Variants in RBFOX1 observed in about 807,000 individuals in gnomAD.
RBFOX1 encodes RNA binding protein fox-1 homolog 1.
RBFOX1 carries 8 observed loss-of-function variants against 57.7 expected under a neutral mutation model. The observed-to-expected ratio is 0.14, with a 90% CI of 0.08 to 0.25. The LOEUF (loss-of-function observed/expected upper bound fraction) is 0.25. Among genes scored for constraint, RBFOX1 ranks in the 10% least tolerant of loss-of-function variants. The pLI is 1.00. For synonymous variants in RBFOX1, 326 were observed against 222.4 expected (o/e 1.47, Z -4.15); for missense variants, 611 against 548.5 (o/e 1.11, Z -1.14).
chr16:7,640,167 C>A (rs1388242971), intron 11 of RBFOX1, among the ~76,000 whole-genome samples: 1 of 152,212 alleles, frequency 6.6e-6, no homozygotes, highest in Non-Finnish European at 1.5e-5. Flanking sequence ...ACTTCTTCAT[C>A]CGTGTGTTGT....
chr16:6,581,392 A>G (rs1415894820), intron 2 of RBFOX1, among the ~76,000 whole-genome samples: 1 of 151,938 alleles, frequency 6.6e-6, no homozygotes, highest in Non-Finnish European at 1.5e-5. Flanking sequence ...AGGGTGCTTT[A>G]TTTTGTTGGT....
intron 3 of RBFOX1, among the ~76,000 whole-genome samples, chr16:5,829,719 C>G (rs914847561): frequency 2.0e-5 from 3 of 152,108 alleles, no homozygotes; most frequent in Non-Finnish European, 4.4e-5. Context: ...GCTGTAAATC[C>G]TGGATCCAAT....
At chr16:5,831,071 A>T (rs1234017855) in intron 3 of RBFOX1, among the ~76,000 whole-genome samples, 1 of 152,156 alleles carries the variant, frequency 6.6e-6, no homozygotes, top group Non-Finnish European at 1.5e-5. Flanking sequence ...ACCCACAGGG[A>T]TACGAGCATC....
chr16:6,792,841 C>A (rs771363005), intron 3 of RBFOX1, among the ~76,000 whole-genome samples: 5 of 152,020 alleles, frequency 3.3e-5, no homozygotes, highest in Non-Finnish European at 7.4e-5. Context: ...CCAGCCTGGA[C>A]AAGATGGTGA....
chr16:5,315,183 A>C (rs1409909851), intron 1 of RBFOX1, among the ~76,000 whole-genome samples: 1 of 152,216 alleles, frequency 6.6e-6, no homozygotes, highest in Non-Finnish European at 1.5e-5. Flanking sequence ...TGATAGGGCA[A>C]ATGGCTCTGT....
At chr16:6,216,395 C>T (rs922515104) in intron 1 of RBFOX1, among the ~76,000 whole-genome samples, 6 of 152,164 alleles carry the variant, frequency 3.9e-5, no homozygotes, top group African/African-American at 1.4e-4. Context: ...GAGACCATCA[C>T]GATGGCTGAA....
chr16:5,403,517 C>T (rs1358663389), intron 1 of RBFOX1, among the ~76,000 whole-genome samples: 2 of 152,084 alleles, frequency 1.3e-5, no homozygotes. Flanking sequence ...AATCTTGGCT[C>T]ACCGCAACCT....
chr16:7,083,475 G>T (rs1187914622), intron 4 of RBFOX1, among the ~76,000 whole-genome samples: 1 of 151,936 alleles, frequency 6.6e-6, no homozygotes, highest in African/African-American at 2.4e-5. Flanking sequence ...AACAAGAAAT[G>T]ACACATACCA....
chr16:6,834,449 A>T (rs965607201), intron 3 of RBFOX1, among the ~76,000 whole-genome samples: 1 of 152,158 alleles, frequency 6.6e-6, no homozygotes, highest in Non-Finnish European at 1.5e-5. Context: ...GGAAGCGTCA[A>T]TGGATGCCTA....
At chr16:6,753,247 A>G (rs1026744683) in intron 3 of RBFOX1, among the ~76,000 whole-genome samples, 2 of 152,210 alleles carry the variant, frequency 1.3e-5, no homozygotes, top group Non-Finnish European at 2.9e-5. Context: ...CAAGTATAGT[A>G]AAATGCCAGT....
chr16:6,908,392 TCTCTTTCCTC>T (rs2070652809), intron 3 of RBFOX1, among the ~76,000 whole-genome samples: 1 of 146,196 alleles, frequency 6.8e-6, no homozygotes. Context: ...CTGCCTGCCT[TCTCTTTCCTC>T]CCAGGAACCT....
At chr16:7,117,014 A>G (rs1448473106) in intron 4 of RBFOX1, among the ~76,000 whole-genome samples, 1 of 152,190 alleles carries the variant, frequency 6.6e-6, no homozygotes, top group Non-Finnish European at 1.5e-5. Flanking sequence ...AGGCCAAGAA[A>G]GAGTTAGGGA....
At chr16:6,536,034 G>T (rs1243457569) in intron 2 of RBFOX1, among the ~76,000 whole-genome samples, 1 of 152,106 alleles carries the variant, frequency 6.6e-6, no homozygotes, top group Admixed American at 6.5e-5. Flanking sequence ...TGTGATTCAT[G>T]CTTTTCATGC....
intron 2 of RBFOX1, among the ~76,000 whole-genome samples, chr16:6,490,266 A>T (rs897508092): frequency 5.3e-5 from 8 of 152,258 alleles, no homozygotes; most frequent in Admixed American, 2.6e-4. Flanking sequence ...AGATCTTGCA[A>T]GTACGCAATT....
At chr16:5,816,709 G>A (rs1369894533) in intron 3 of RBFOX1, among the ~76,000 whole-genome samples, 35 of 152,110 alleles carry the variant, frequency 2.3e-4, no homozygotes, top group Admixed American at 2.3e-3. Context: ...GTTTGAGCCT[G>A]GGAGGCTGAG....
intron 4 of RBFOX1, among the ~76,000 whole-genome samples, chr16:7,132,233 G>A (rs766636501): frequency 2.4e-4 from 36 of 151,936 alleles, no homozygotes; most frequent in Admixed American, 3.3e-4. Flanking sequence ...TGCCTGTCTC[G>A]GCCTCCCAAA....
chr16:5,567,618 G>A lies in RBFOX1; in HGVS notation c.259-31284G>A, dbSNP rs146720788. Among the ~76,000 whole-genome samples, 40 of 116,982 alleles carry A rather than the reference G, an allele frequency of 3.4e-4. 1 individual carries two copies. Among genetic ancestry groups the A allele is most frequent in the African/African-American group, 1.0e-3 (32 of 31,514 alleles). The allele number at this position is 116,982 out of a possible 152,430, so 76.7% of individuals were successfully genotyped here. On this transcript the variant is annotated intron_variant, in intron 2 of 2. Transcript: ENST00000585867. ...AAGCCAGCTTAAACCATAGTGGGGG[G>A]GTATTCAGGTTATAGGCAAAAAAAA... is the stretch of plus-strand genomic sequence containing the variant.
chr16:7,002,455 C>G (rs984621974), intron 3 of RBFOX1, among the ~76,000 whole-genome samples: 2 of 152,210 alleles, frequency 1.3e-5, no homozygotes, highest in African/African-American at 4.8e-5. Context: ...TGGCTCATGT[C>G]TGTAATTCCA....
intron 4 of RBFOX1, among the ~76,000 whole-genome samples, chr16:7,115,457 C>G (rs768630602): frequency 6.6e-6 from 1 of 152,192 alleles, no homozygotes; most frequent in African/African-American, 2.4e-5. Flanking sequence ...TTGCTGTGGA[C>G]TGAGAGTCCG....
Sources: gnomAD v4.1 joint callset for allele counts (sites outside exome capture counted in the v4.1 genomes callset) on GRCh38, gnomAD v4.1.1 for gene constraint, MANE v1.5 for transcripts, NCBI Gene and HGNC (gene_info 2026-07-23, HGNC 2026-07-21) for gene names.